ITFG1: variants seen among roughly 807,000 people sequenced by gnomAD.
ITFG1 encodes the protein integrin alpha FG-GAP repeat containing 1, also known as T-cell immunomodulatory protein.
In ITFG1, 34 loss-of-function variants were observed where a neutral mutation model predicts 81.8. The ratio of observed to expected loss-of-function variants is 0.42; its 90% confidence interval spans 0.32 to 0.55. ITFG1 has a LOEUF of 0.55. Ranked by LOEUF, ITFG1 falls within the 20% of genes least tolerant of loss-of-function variation. The probability of loss-of-function intolerance (pLI) is 0.17; values close to 1 mark genes in which losing one functional copy is unlikely to be tolerated. For missense variants in ITFG1, 672 were observed against 755.4 expected (o/e 0.89, Z 1.29); for synonymous variants, 285 against 270.6 (o/e 1.05, Z -0.52).
chr16:47,167,613 T>C (rs898929739), intron 14 of ITFG1, among the ~76,000 whole-genome samples: 3 of 152,092 alleles, frequency 2.0e-5, no homozygotes, highest in African/African-American at 7.2e-5. Context: ...ACCCAAAGCT[T>C]ATAAAACGGC....
intron 5 of ITFG1, among the ~76,000 whole-genome samples, chr16:47,439,558 A>G (rs1969217275): frequency 6.6e-6 from 1 of 152,234 alleles, no homozygotes; most frequent in South Asian, 2.1e-4. Flanking sequence ...AGAATTTTCA[A>G]CCCAGATTTT....
chr16:47,245,760 C>G (rs1965994318), intron 12 of ITFG1, among the ~76,000 whole-genome samples: 1 of 151,878 alleles, frequency 6.6e-6, no homozygotes. Flanking sequence ...CATGAATTTT[C>G]TTTTACAAAT....
At chr16:47,327,045 G>A (rs1967557830) in intron 8 of ITFG1, among the ~76,000 whole-genome samples, 1 of 152,130 alleles carries the variant, frequency 6.6e-6, no homozygotes, top group African/African-American at 2.4e-5. Flanking sequence ...GAAGAAAGGT[G>A]GAGGCATCAC....
At chr16:47,221,576 A>G (rs1333479905) in intron 13 of ITFG1, among the ~76,000 whole-genome samples, 2 of 152,172 alleles carry the variant, frequency 1.3e-5, no homozygotes, top group African/African-American at 4.8e-5. Flanking sequence ...CGGCTTTGGT[A>G]TCAGGATGAT....
chr16:47,180,826 G>C (rs1224919607), intron 14 of ITFG1, among the ~76,000 whole-genome samples: 1 of 151,716 alleles, frequency 6.6e-6, no homozygotes, highest in Non-Finnish European at 1.5e-5. Flanking sequence ...AGTGAGGAGC[G>C]TCTCTGCCTG....
At chr16:47,244,589 TTTTGTGTG>T (rs1275591170) in intron 12 of ITFG1, among the ~76,000 whole-genome samples, 12 of 140,788 alleles carry the variant, frequency 8.5e-5, no homozygotes, top group African/African-American at 2.4e-4. Context: ...GTATTCCATC[TTTTGTGTG>T]TGTGTGTGTG....
intron 6 of ITFG1, among the ~76,000 whole-genome samples, chr16:47,377,258 A>G (rs1343007004): frequency 1.3e-5 from 2 of 152,168 alleles, no homozygotes; most frequent in Non-Finnish European, 2.9e-5. Context: ...CCATGTATCA[A>G]ATAGCTCTGT....
At chr16:47,359,704 T>C (rs1038634101) in intron 8 of ITFG1, among the ~76,000 whole-genome samples, 5 of 152,214 alleles carry the variant, frequency 3.3e-5, no homozygotes, top group Non-Finnish European at 7.3e-5. Flanking sequence ...ACATCAAGCT[T>C]ACTGTTGCCT....
chr16:47,243,793 C>A (rs1965965093), intron 12 of ITFG1, among the ~76,000 whole-genome samples: 1 of 152,172 alleles, frequency 6.6e-6, no homozygotes, highest in Admixed American at 6.5e-5. Context: ...TGTAATCCAG[C>A]ACTATGGGAG....
chr16:47,418,397 T>C (rs1294081706), intron 6 of ITFG1, among the ~76,000 whole-genome samples: 1 of 151,968 alleles, frequency 6.6e-6, no homozygotes, highest in Non-Finnish European at 1.5e-5. Context: ...CCCATTTATC[T>C]TTTTTTTGTT....
chr16:47,366,969 G>A (rs537359951), intron 7 of ITFG1, among the ~76,000 whole-genome samples: 6 of 152,282 alleles, frequency 3.9e-5, no homozygotes, highest in Admixed American at 2.6e-4. Flanking sequence ...TAATTCCACA[G>A]GTTGAGGGCT....
At chr16:47,357,644 A>G (rs920147670) in intron 8 of ITFG1, among the ~76,000 whole-genome samples, 6 of 151,732 alleles carry the variant, frequency 4.0e-5, no homozygotes, top group Non-Finnish European at 8.8e-5. Flanking sequence ...AATTAAATGC[A>G]ATGCACAGTA....
intron 11 of ITFG1, among the ~76,000 whole-genome samples, chr16:47,259,039 C>A (rs1027889148): frequency 6.6e-6 from 1 of 152,170 alleles, no homozygotes; most frequent in African/African-American, 2.4e-5. Context: ...TGATGTGGAC[C>A]TGCCAGACCC....
At chr16:47,168,059 G>C (rs1197360851) in intron 14 of ITFG1, among the ~76,000 whole-genome samples, 2 of 152,074 alleles carry the variant, frequency 1.3e-5, no homozygotes, top group Non-Finnish European at 2.9e-5. Flanking sequence ...AATGTATGAG[G>C]GTTCCTATTT....
intron 12 of ITFG1, among the ~76,000 whole-genome samples, chr16:47,257,891 T>G (rs949249164): frequency 6.6e-6 from 1 of 152,162 alleles, no homozygotes; most frequent in African/African-American, 2.4e-5. Context: ...ATTCCAGGCT[T>G]GGGACAAGGG....
At chr16:47,431,644 T>C (rs1427436383) in intron 5 of ITFG1, among the ~76,000 whole-genome samples, 1 of 152,154 alleles carries the variant, frequency 6.6e-6, no homozygotes, top group Non-Finnish European at 1.5e-5. Flanking sequence ...TACTAAATGA[T>C]ACTAAATTGT....
At chr16:47,337,373 C>A (rs1165417383) in intron 8 of ITFG1, among the ~76,000 whole-genome samples, 3 of 152,008 alleles carry the variant, frequency 2.0e-5, no homozygotes, top group Non-Finnish European at 4.4e-5. Context: ...AGTTCAAGAC[C>A]AGCCTGGCCA....
intron 4 of ITFG1, among the ~76,000 whole-genome samples, chr16:47,451,970 G>A (rs1223597606): frequency 6.6e-6 from 1 of 152,170 alleles, no homozygotes; most frequent in African/African-American, 2.4e-5. Flanking sequence ...GATGGGCTTA[G>A]GAGAAATAAC....
chr16:47,410,956 G>A (rs1381688200), intron 6 of ITFG1, among the ~76,000 whole-genome samples: 2 of 152,088 alleles, frequency 1.3e-5, no homozygotes, highest in Non-Finnish European at 2.9e-5. Context: ...CACCCCATCC[G>A]CCAGCCTCTC....
Sources: gnomAD v4.1 joint callset for allele counts (sites outside exome capture counted in the v4.1 genomes callset) on GRCh38, gnomAD v4.1.1 for gene constraint, MANE v1.5 for transcripts, NCBI Gene and HGNC (gene_info 2026-07-23, HGNC 2026-07-21) for gene names.